The following CDCA7 variants were observed in gnomAD, a reference collection of about 807,000 sequenced individuals.
The protein encoded by CDCA7 is cell division cycle-associated protein 7.
A neutral mutation model predicts 54.0 loss-of-function variants in CDCA7; 28 were observed. That is an observed-to-expected ratio of 0.52 (90% CI 0.38 to 0.71). The LOEUF (loss-of-function observed/expected upper bound fraction) is 0.71. Among genes scored for constraint, CDCA7 ranks in the 30% least tolerant of loss-of-function variants. The probability of loss-of-function intolerance (pLI) is 0.00; values close to 1 mark genes in which losing one functional copy is unlikely to be tolerated. For missense variants in CDCA7, 484 were observed against 586.0 expected (o/e 0.83, Z 1.80); for synonymous variants, 180 against 208.2 (o/e 0.86, Z 1.16).
At chr2:173,355,622 T>C (rs978547257) in intron 1 of CDCA7, among the ~76,000 whole-genome samples, 1 of 152,170 alleles carries the variant, frequency 6.6e-6, no homozygotes, top group Non-Finnish European at 1.5e-5. Context: ...GGTCAAAGCG[T>C]TCGCCGACCA....
chr2:173,355,160 T>C (rs1686471326), intron 1 of CDCA7, among the ~76,000 whole-genome samples, 176 bp downstream of exon 1: 1 of 152,166 alleles, frequency 6.6e-6, no homozygotes, highest in Non-Finnish European at 1.5e-5. Flanking sequence ...CTGAGGGCCA[T>C]GGGGACGTTC....
Position 173,367,849 on chromosome 2 carries a change from CTT to C in CDCA7, c.*187_*188del, listed in dbSNP as rs933403556. On this transcript the variant is annotated 3_prime_UTR_variant, in exon 10 of 10. Transcript: ENST00000306721. ...CACAGAAGGTATATTGCTAGTTACA[CTT>C]TGCCCTCCTGCAGTTTCTTCTCTGC... The C allele has an allele frequency of 1.1e-5, 7 of 651,962 alleles. No homozygotes were observed. In the African/African-American group the frequency reaches 1.3e-4, roughly 12 times the overall value. 40.4% of individuals were successfully genotyped at this position (651,962 alleles called of 1,614,324 possible). A position where few individuals can be genotyped will look rare whatever the true frequency, so the allele number is the denominator to read the frequency against.
rs1686764648 is a variant in CDCA7 at position 173,368,603 on chromosome 2, T to C, written c.*939T>C. 6.6e-6 allele frequency: 1 copy of C among 152,354 alleles called. No individual in the cohort carries two copies. The highest frequency in any genetic ancestry group is 1.9e-4 in the East Asian group (1 of 5,188). The allele number at this position is 152,354 out of a possible 1,614,324, so 9.4% of individuals were successfully genotyped here. ...TAGATTTTAAGCACTTTTATAACAA[T>C]GATAAGTGCCTTTTTGGAGATGTAA... is the stretch of plus-strand genomic sequence containing the variant. On this transcript the variant is annotated 3_prime_UTR_variant, in exon 10 of 10. Transcript: ENST00000306721.
chr2:173,357,439 A>G (rs986015657), intron 1 of CDCA7, among the ~76,000 whole-genome samples: 13 of 152,228 alleles, frequency 8.5e-5, no homozygotes, highest in Non-Finnish European at 7.3e-5. Context: ...TTTGATCTTT[A>G]ACTTGGCTCC....
chr2:173,361,983 A>C (rs1686630574), intron 3 of CDCA7, among the ~76,000 whole-genome samples: 1 of 151,012 alleles, frequency 6.6e-6, no homozygotes, highest in African/African-American at 2.4e-5. Context: ...TGCCTGGCTA[A>C]TTTTTGTATT....
chr2:173,366,394 C>T lies in CDCA7; in HGVS notation c.1147C>T (p.Arg383Cys). 1 of 1,614,124 alleles carries T rather than the reference C, an allele frequency of 6.2e-7. No homozygotes were observed. Among genetic ancestry groups the T allele is most frequent in the Non-Finnish European group, 8.5e-7 (1 of 1,180,028 alleles). The stretch of plus-strand genomic sequence containing the variant: ...GTTCTGTGGCCCCTGCCTTCGAAAC[C>T]GTTATGGTGAAGAGGTCAGGGATGC... The part of the protein sequence containing the change: ...GQFCGPCLRN[R>C]YGEEVRDALL... The change falls in exon 8 of 10, where the codon CGT (arginine) becomes TGT (cysteine). Residue 383 changes from arginine (R) to cysteine (C), a missense_variant. Arg to Cys is a radical substitution (Grantham distance 180). Coordinates refer to ENST00000306721, the MANE Select transcript of CDCA7 (RefSeq NM_031942.5). The surrounding 1 kb of genome is among the most constrained non-coding windows in gnomAD (Gnocchi z 4.5).
rs1686693052 is a variant in CDCA7 at position 173,364,990 on chromosome 2, G to GAAGA, written c.894+1_894+2insAAGA. 6.4e-7 allele frequency: 1 copy of GAAGA among 1,571,276 alleles called. No homozygotes were observed. Among genetic ancestry groups the GAAGA allele is most frequent in the Admixed American group, 2.0e-5 (1 of 49,400 alleles). The stretch of plus-strand genomic sequence containing the variant: ...GAAGACCGTGGATGGCTACATGAAT[G>GAAGA]TGAGTTCTCCGCATTGGTACTTGCT... On this transcript the variant is annotated splice_donor_variant, in intron 6 of 9. Coordinates refer to ENST00000306721, the MANE Select transcript of CDCA7 (RefSeq NM_031942.5). LOFTEE classifies it high-confidence loss of function.
intron 3 of CDCA7, among the ~76,000 whole-genome samples, chr2:173,361,228 A>G (rs1344621280): frequency 1.3e-5 from 2 of 152,172 alleles, no homozygotes; most frequent in African/African-American, 4.8e-5. Flanking sequence ...TTTTTTGGCT[A>G]TTATGAATAA....
At chr2:173,365,670 G>A (rs1276536041) in intron 7 of CDCA7, 78 bp downstream of exon 7, 5 of 1,478,676 alleles carry the variant, frequency 3.4e-6, no homozygotes, top group Admixed American at 4.1e-5. Flanking sequence ...GCGTTGCCCA[G>A]GTTCTAAAGG....
Position 173,359,269 on chromosome 2 carries a change from G to A in CDCA7, c.162G>A (p.Arg54=), listed in dbSNP as rs767086066. ...TTATTTTACAGAAACCTAAATTCAG[G>A]TCAGATATCAGTGAAGAACTGGCAA... ...DNFANTKPKF[R]SDISEELANV... Residue 54 remains arginine, a synonymous_variant, in exon 3 of 10, where the codon AGG becomes AGA. Coordinates refer to ENST00000306721, the MANE Select transcript of CDCA7 (RefSeq NM_031942.5). 5.6e-6 allele frequency: 9 copies of A among 1,613,168 alleles called. No individual in the cohort carries two copies. Among genetic ancestry groups the A allele is most frequent in the Non-Finnish European group, 7.6e-6 (9 of 1,179,396 alleles).
rs781098552 is a variant in CDCA7 at position 173,354,926 on chromosome 2, C to T, written c.-38C>T. ...GCTGACCGCGCGGCTGCTCCGCTCTCCCCGCTCCAAGCGCCGATCTGGGCA... is the reference window on the plus strand; with the variant it reads ...GCTGACCGCGCGGCTGCTCCGCTCTTCCCGCTCCAAGCGCCGATCTGGGCA... On this transcript the variant is annotated 5_prime_UTR_variant, in exon 1 of 10. Coordinates refer to ENST00000306721, the MANE Select transcript of CDCA7 (RefSeq NM_031942.5). The T allele has an allele frequency of 2.7e-6, 4 of 1,479,436 alleles. No individual in the cohort carries two copies. The highest frequency in any genetic ancestry group is 3.6e-6 in the Non-Finnish European group (4 of 1,122,888). 91.6% of individuals were successfully genotyped at this position (1,479,436 alleles called of 1,614,324 possible). A position where few individuals can be genotyped will look rare whatever the true frequency, so the allele number is the denominator to read the frequency against.
chr2:173,365,069 C>T (rs1686695039), intron 6 of CDCA7, 80 bp downstream of exon 6: 1 of 1,462,626 alleles, frequency 6.8e-7, no homozygotes, highest in African/African-American at 1.4e-5. Flanking sequence ...CAGGTACACG[C>T]ACATCCTTAA....
At chr2:173,363,528 T>C in intron 4 of CDCA7, 66 bp downstream of exon 4, 1 of 1,450,934 alleles carries the variant, frequency 6.9e-7, no homozygotes, top group South Asian at 1.2e-5. Context: ...TTAAATCTGT[T>C]CCATCACGCA....
intron 1 of CDCA7, among the ~76,000 whole-genome samples, chr2:173,355,497 A>G (rs1350295265): frequency 2.0e-5 from 3 of 152,196 alleles, no homozygotes; most frequent in African/African-American, 7.2e-5. Context: ...GCTGAGGGCC[A>G]GCGCGTCTGA....
intron 3 of CDCA7, 106 bp from the exon 4 acceptor site, chr2:173,363,120 G>C (rs1686653863): frequency 9.2e-7 from 1 of 1,087,364 alleles, no homozygotes; most frequent in Non-Finnish European, 1.4e-6. Flanking sequence ...TCAATGTTCA[G>C]TTAAAATTCA....
In CDCA7 at chr2:173,367,624, T is replaced by G; in HGVS notation, c.1323-10T>G. ...CTATGTCCTGACACATTTCCTTTTG[T>G]TTTTCACAGCCTGAAACAGGAATTT... On this transcript the variant is annotated splice_polypyrimidine_tract_variant and intron_variant, in intron 9 of 9. Transcript: ENST00000306721. 6.2e-7 allele frequency: 1 copy of G among 1,614,114 alleles called. No individual in the cohort carries two copies. The highest frequency in any genetic ancestry group is 8.5e-7 in the Non-Finnish European group (1 of 1,180,002).
rs778350914 is a variant in CDCA7, at chr2:173,359,458, C to T, written c.351C>T (p.Cys117=). 15 of 1,613,964 alleles carry T rather than the reference C, an allele frequency of 9.3e-6. No individual in the cohort carries two copies. The highest frequency in any genetic ancestry group is 2.2e-5 in the East Asian group (1 of 44,890). ...CCGACTCTGACGATGAATCATTTTGCGGTTTCTCAGAGAGTGAGATACAAG... is the reference window on the plus strand; with the variant it reads ...CCGACTCTGACGATGAATCATTTTGTGGTTTCTCAGAGAGTGAGATACAAG... ...FHADSDDESF[C]GFSESEIQDG... is the part of the protein sequence containing the mutation. Residue 117 remains cysteine (C), a synonymous_variant, in exon 3 of 10, where the codon TGC becomes TGT. Transcript: ENST00000306721.
rs763027787 is a variant in CDCA7 at position 173,365,473 on chromosome 2, C to T, written c.916C>T (p.Arg306Cys). ...GCAGGAAGATGACCTGCCCAGAAGCCGTCGCTCCAGATCATCCGTGACCCT... is the reference window on the plus strand; with the variant it reads ...GCAGGAAGATGACCTGCCCAGAAGCTGTCGCTCCAGATCATCCGTGACCCT... Reference protein sequence around the residue: ...YMNEDDLPRSRRSRSSVTLPH... With the variant: ...YMNEDDLPRSCRSRSSVTLPH... Residue 306 changes from arginine (R) to cysteine (C), a missense_variant, in exon 7 of 10, where the codon CGT becomes TGT. By Grantham distance (180) the Arg-to-Cys change is radical. This residue lies in a region of CDCA7 where 398 missense variants were observed against 447.4 expected (regional missense o/e 0.89). Coordinates refer to ENST00000306721, the MANE Select transcript of CDCA7 (RefSeq NM_031942.5). 3.4e-5 allele frequency: 55 copies of T among 1,613,624 alleles called. No individual in the cohort carries two copies. The highest frequency in any genetic ancestry group is 4.5e-5 in the East Asian group (2 of 44,878).
chr2:173,359,399 G>GC lies in CDCA7; in HGVS notation c.292_293insC (p.Asp98AlafsTer4). ...TGGATTTTTACAGAAACCAAGGCCA[G>GC]ATGTCACTAACGAACTGGCCGGTAT... On this transcript the variant is annotated frameshift_variant, in exon 3 of 10. Transcript: ENST00000306721. LOFTEE classifies it high-confidence loss of function. 1 of 1,614,192 alleles carries GC rather than the reference G, an allele frequency of 6.2e-7. No individual in the cohort carries two copies. The highest frequency in any genetic ancestry group is 8.5e-7 in the Non-Finnish European group (1 of 1,180,036).
Sources: allele counts gnomAD v4.1 joint callset (sites outside exome capture counted in the v4.1 genomes callset), GRCh38; gene constraint gnomAD v4.1.1; regional missense constraint gnomAD v4.1.1; non-coding constraint Gnocchi (gnomAD v3.1); transcripts MANE v1.5; gene names NCBI Gene and HGNC (gene_info 2026-07-23, HGNC 2026-07-21).